The following MORC1 variants were observed in gnomAD, a reference collection of about 807,000 sequenced individuals.
MORC1 encodes the protein MORC family CW-type zinc finger 1.
In MORC1, 59 loss-of-function variants were observed where a neutral mutation model predicts 134.9. The observed-to-expected ratio is 0.44, with a 90% CI of 0.35 to 0.54. The LOEUF (loss-of-function observed/expected upper bound fraction) is 0.54, where lower values mean the gene tolerates loss of function less well. Among genes scored for constraint, MORC1 ranks in the 20% least tolerant of loss-of-function variants. MORC1 has a pLI of 0.00. For missense variants in MORC1, 947 were observed against 1,134.5 expected (o/e 0.83, Z 2.37); for synonymous variants, 395 against 391.7 (o/e 1.01, Z -0.10).
chr3:109,004,927 T>G (rs1009266733), intron 19 of MORC1, 39 bp from the exon 20 acceptor site: 1 of 1,597,204 alleles, frequency 6.3e-7, no homozygotes, highest in Non-Finnish European at 8.5e-7. Flanking sequence ...AATTAGAAAT[T>G]GGGACCTTGT....
rs867796434 is a variant in MORC1 at position 109,005,215 on chromosome 3, C to T, written c.1868G>A (p.Arg623Lys). Residue 623 changes from arginine (R) to lysine (K), a missense_variant, in exon 19 of 28, where the codon AGA becomes AAA. Physicochemically the swap from Arg to Lys is conservative, Grantham distance 26. Around this residue, in one of 3 missense-constraint regions of MORC1, gnomAD observed 722 missense variants for 817.0 expected, o/e 0.88. Coordinates refer to ENST00000232603, the MANE Select transcript of MORC1 (RefSeq NM_014429.4). ...ELSASRRGQK[R>K]NIEETDSDVE... is the part of the protein sequence containing the mutation. ...ATCAGAGTCTGTCTCTTCTATGTTTCTTTTCTGTCCTCTACGGCTCGCTGA... is the reference window on the plus strand; with the variant it reads ...ATCAGAGTCTGTCTCTTCTATGTTTTTTTTCTGTCCTCTACGGCTCGCTGA... 1 of 1,613,868 alleles carries T rather than the reference C, an allele frequency of 6.2e-7. No individual in the cohort carries two copies. Among genetic ancestry groups the T allele is most frequent in the Non-Finnish European group, 8.5e-7 (1 of 1,179,952 alleles).
intron 14 of MORC1, among the ~76,000 whole-genome samples, chr3:109,052,940 TA>T (rs1441212166): frequency 6.6e-6 from 1 of 151,086 alleles, no homozygotes; most frequent in Non-Finnish European, 1.5e-5. Flanking sequence ...ATAACCCCAT[TA>T]AAAAGTGAGC....
chr3:108,993,380 C>T (rs1418425884), intron 21 of MORC1, among the ~76,000 whole-genome samples: 1 of 152,152 alleles, frequency 6.6e-6, no homozygotes, highest in African/African-American at 2.4e-5. Flanking sequence ...GGGACTATAT[C>T]ACACATTGTT....
chr3:109,007,109 C>A lies in MORC1; in HGVS notation c.1705-18G>T. 6.3e-7 allele frequency: 1 copy of A among 1,594,648 alleles called. No homozygotes were observed. Among genetic ancestry groups the A allele is most frequent in the Non-Finnish European group, 8.6e-7 (1 of 1,169,280 alleles). ...AATTGAGGCTTTATGGGAAAGCAAA[C>A]CATTAAGGCAAATGTAAGTAAAAAT... On this transcript the variant is annotated intron_variant, in intron 17 of 27. Transcript: ENST00000232603.
chr3:108,998,724 C>A (rs1484981613), intron 21 of MORC1, among the ~76,000 whole-genome samples: 1 of 152,008 alleles, frequency 6.6e-6, no homozygotes, highest in African/African-American at 2.4e-5. Context: ...GCAACTACAG[C>A]CAAACAGAAA....
chr3:109,054,038 C>T (rs1362412615), intron 14 of MORC1, among the ~76,000 whole-genome samples: 1 of 151,858 alleles, frequency 6.6e-6, no homozygotes, highest in African/African-American at 2.4e-5. Flanking sequence ...AATCCCAGCA[C>T]TTTGGGAGGC....
At chr3:108,974,963 C>T (rs921173) in intron 24 of MORC1, among the ~76,000 whole-genome samples, 111,009 of 152,072 alleles carry the variant, frequency 0.73, 41,215 homozygotes, top group Non-Finnish European at 0.78. Context: ...ACCATCTCTA[C>T]AAATTATGGC....
chr3:109,083,237 T>C (rs921279142), intron 8 of MORC1, among the ~76,000 whole-genome samples: 6 of 150,756 alleles, frequency 4.0e-5, no homozygotes, highest in Non-Finnish European at 8.8e-5. Context: ...ACAAAATTCA[T>C]CACCACCAGA....
At chr3:109,103,477 C>A (rs1484613052) in intron 4 of MORC1, among the ~76,000 whole-genome samples, 2 of 152,194 alleles carry the variant, frequency 1.3e-5, no homozygotes, top group Non-Finnish European at 2.9e-5. Flanking sequence ...AGCCTACAGG[C>A]ACAGGAAACT....
At chr3:109,002,132 G>A (rs1559884401) in intron 20 of MORC1, among the ~76,000 whole-genome samples, 3 of 152,148 alleles carry the variant, frequency 2.0e-5, no homozygotes, top group South Asian at 4.1e-4. Flanking sequence ...TAACTGCTCT[G>A]CCCACATTCA....
intron 8 of MORC1, among the ~76,000 whole-genome samples, chr3:109,073,675 C>T (rs1034123735): frequency 1.3e-5 from 2 of 152,126 alleles, no homozygotes; most frequent in Non-Finnish European, 2.9e-5. Context: ...CTCAGAAGTG[C>T]CATATTTTTA....
At position 109,100,433 on chromosome 3, in the gene MORC1, C is replaced by A; in HGVS notation, c.298G>T (p.Gly100Cys). The A allele has an allele frequency of 6.2e-7, 1 of 1,612,474 alleles. No homozygotes were observed. The highest frequency in any genetic ancestry group is 8.5e-7 in the Non-Finnish European group (1 of 1,178,626). Residue 100 changes from glycine (G) to cysteine (C), a missense_variant, in exon 5 of 28, where the codon GGC (glycine) becomes TGC (cysteine). Physicochemically the swap from Gly to Cys is radical, Grantham distance 159 (BLOSUM62 -3). Coordinates refer to ENST00000232603, the MANE Select transcript of MORC1 (RefSeq NM_014429.4). The stretch of plus-strand genomic sequence containing the variant: ...AATTCTCACCTTTTAAGACCATTGC[C>A]GTATTGCCCTATGAACTTCAAGGTT... ...LSTLKFIGQYGNGLKSGSMRI... is the reference protein window; with the variant it reads ...LSTLKFIGQYCNGLKSGSMRI...
intron 9 of MORC1, among the ~76,000 whole-genome samples, chr3:109,066,841 G>GACTCAA (rs1950208220): frequency 6.6e-6 from 1 of 152,144 alleles, no homozygotes; most frequent in East Asian, 1.9e-4. Context: ...AATTGCCAAA[G>GACTCAA]GTCCACAACT....
intron 11 of MORC1, among the ~76,000 whole-genome samples, chr3:109,061,072 T>C (rs1950071324): frequency 6.6e-6 from 1 of 152,020 alleles, no homozygotes; most frequent in Non-Finnish European, 1.5e-5. Context: ...GAGCTACTCT[T>C]TGATGTCATC....
intron 8 of MORC1, 123 bp from the exon 9 acceptor site, chr3:109,069,880 T>C (rs1422957406): frequency 9.4e-7 from 1 of 1,064,808 alleles, no homozygotes; most frequent in Non-Finnish European, 1.3e-6. Context: ...GAACTTTTCT[T>C]CTAAAACTAA....
chr3:109,101,793 G>A (rs973875710), intron 4 of MORC1, among the ~76,000 whole-genome samples: 4 of 152,228 alleles, frequency 2.6e-5, no homozygotes, highest in Non-Finnish European at 4.4e-5. Context: ...TGTCACAGAT[G>A]AGCAAATGTA....
At chr3:108,973,535 G>T (rs1947450520) in intron 24 of MORC1, among the ~76,000 whole-genome samples, 1 of 151,086 alleles carries the variant, frequency 6.6e-6, no homozygotes, top group African/African-American at 2.4e-5. Context: ...CAAAAAGTTG[G>T]TCAGATTCAA....
chr3:108,993,117 G>C (rs757247620), intron 21 of MORC1, among the ~76,000 whole-genome samples: 2 of 152,154 alleles, frequency 1.3e-5, no homozygotes, highest in Non-Finnish European at 2.9e-5. Context: ...GCCTGTCAGA[G>C]TGTACAGCCT....
intron 8 of MORC1, among the ~76,000 whole-genome samples, chr3:109,091,300 C>T (rs1489238766): frequency 5.3e-5 from 8 of 151,166 alleles, no homozygotes; most frequent in East Asian, 3.9e-4. Flanking sequence ...AAAAATTAGC[C>T]GGGCAGGGTG....
Sources: allele counts gnomAD v4.1 joint callset (sites outside exome capture counted in the v4.1 genomes callset), GRCh38; gene constraint gnomAD v4.1.1; regional missense constraint gnomAD v4.1.1; transcripts MANE v1.5; gene names NCBI Gene and HGNC (gene_info 2026-07-23, HGNC 2026-07-21).